Variants in ABHD17B observed in about 807,000 individuals in gnomAD.
The protein encoded by ABHD17B is abhydrolase domain containing 17B, depalmitoylase.
In ABHD17B, 9 loss-of-function variants were observed where a neutral mutation model predicts 26.2. The observed-to-expected ratio is 0.34, with a 90% CI of 0.21 to 0.60. ABHD17B has a LOEUF of 0.60. ABHD17B is among the 20% of genes least tolerant of loss of function. ABHD17B has a pLI of 0.80. For synonymous variants in ABHD17B, 127 were observed against 122.3 expected (o/e 1.04, Z -0.25); for missense variants, 224 against 352.1 (o/e 0.64, Z 2.91).
intron 1 of ABHD17B, among the ~76,000 whole-genome samples, chr9:71,909,624 A>T (rs1397189584): frequency 6.6e-6 from 1 of 152,234 alleles, no homozygotes; most frequent in Non-Finnish European, 1.5e-5. Context: ...TTGGCACAAG[A>T]TCTCCAAAGA....
chr9:71,881,680 G>T (rs1258305703), intron 1 of ABHD17B, among the ~76,000 whole-genome samples: 1 of 152,170 alleles, frequency 6.6e-6, no homozygotes, highest in African/African-American at 2.4e-5. Flanking sequence ...GAGGTCAGGA[G>T]ATCGAGACCA....
intron 1 of ABHD17B, among the ~76,000 whole-genome samples, chr9:71,894,224 G>C (rs1368181796): frequency 6.6e-6 from 1 of 150,788 alleles, no homozygotes; most frequent in Non-Finnish European, 1.5e-5. Context: ...CATTTTGCTT[G>C]TCCTTTCATC....
chr9:71,870,775 G>A (rs1369844817), intron 2 of ABHD17B, among the ~76,000 whole-genome samples: 8 of 152,024 alleles, frequency 5.3e-5, no homozygotes, highest in Non-Finnish European at 8.8e-5. Flanking sequence ...TTTAGTAAAG[G>A]GCAAATTATG....
intron 1 of ABHD17B, among the ~76,000 whole-genome samples, chr9:71,897,585 T>G (rs533813339): frequency 3.0e-4 from 46 of 152,380 alleles, no homozygotes; most frequent in African/African-American, 1.0e-3. Context: ...GGAAGTTATA[T>G]TCCTCGTTTA....
intron 1 of ABHD17B, among the ~76,000 whole-genome samples, chr9:71,901,227 GTTTT>G (rs928258539): frequency 6.6e-6 from 1 of 151,376 alleles, no homozygotes; most frequent in African/African-American, 2.4e-5. Flanking sequence ...TACCTGAGTT[GTTTT>G]TTTTGTTTGT....
chr9:71,889,983 G>A (rs1826735152), intron 1 of ABHD17B, among the ~76,000 whole-genome samples: 1 of 151,886 alleles, frequency 6.6e-6, no homozygotes, highest in Non-Finnish European at 1.5e-5. Flanking sequence ...TGAGCGGGCT[G>A]GGCAAGGTAG....
At position 71,865,548 on chromosome 9, in the gene ABHD17B, A is replaced by T. The variant is rs901999211; in HGVS notation, c.*1239T>A. ...CATGAAATTCTCAGATAGTAATCCAAAACAATAGGTCCTATTTTTAAAAAT... is the reference window on the plus strand; with the variant it reads ...CATGAAATTCTCAGATAGTAATCCATAACAATAGGTCCTATTTTTAAAAAT... On this transcript the variant is annotated 3_prime_UTR_variant, in exon 4 of 4. Coordinates refer to ENST00000333421, the MANE Select transcript of ABHD17B (RefSeq NM_001025780.3). The T allele has an allele frequency of 1.0e-6, 1 of 985,152 alleles. No individual in the cohort carries two copies. Among genetic ancestry groups the T allele is most frequent in the African/African-American group, 1.7e-5 (1 of 57,192 alleles). 61.0% of individuals were successfully genotyped at this position (985,152 alleles called of 1,614,324 possible).
rs532680684 is a variant in ABHD17B, at chr9:71,867,488, A to ATG, written c.648-484_648-483dup. 7.9e-5 allele frequency among the ~76,000 whole-genome samples: 12 copies of ATG among 152,360 alleles called. No individual in the cohort carries two copies. In the East Asian group the frequency reaches 2.1e-3, roughly 27 times the overall value. The stretch of plus-strand genomic sequence containing the variant: ...GGAGAATGTACTAAAATATAATAAA[A>ATG]TGTTGGAGCTGGAAAGAAGATTAAT... On this transcript the variant is annotated intron_variant, in intron 3 of 3. Coordinates refer to ENST00000333421, the MANE Select transcript of ABHD17B (RefSeq NM_001025780.3).
chr9:71,869,975 T>C (rs1189384621), intron 3 of ABHD17B, 108 bp downstream of exon 3: 6 of 993,000 alleles, frequency 6.0e-6, no homozygotes, highest in Non-Finnish European at 7.4e-6. Context: ...TGTGCTAATA[T>C]ATATAAAATG....
At chr9:71,884,162 CA>C (rs1365668595) in intron 1 of ABHD17B, among the ~76,000 whole-genome samples, 1 of 152,028 alleles carries the variant, frequency 6.6e-6, no homozygotes, top group Non-Finnish European at 1.5e-5. Context: ...AATAATACAT[CA>C]AAACTAAAAG....
intron 1 of ABHD17B, among the ~76,000 whole-genome samples, chr9:71,887,046 A>G (rs1589222765): frequency 6.6e-6 from 1 of 152,156 alleles, no homozygotes; most frequent in East Asian, 1.9e-4. Context: ...AAACACCCTT[A>G]GAAGTGTGGG....
In ABHD17B at chr9:71,866,593, T is replaced by A; in HGVS notation, c.*194A>T. On this transcript the variant is annotated 3_prime_UTR_variant, in exon 4 of 4. Coordinates refer to ENST00000333421, the MANE Select transcript of ABHD17B (RefSeq NM_001025780.3). ...AAAAATATAAATTACACAGCCTGAC[T>A]GCACGGTACTGTTATTTCCAGTTTT... 4.3e-6 allele frequency: 6 copies of A among 1,407,240 alleles called. No individual in the cohort carries two copies. The South Asian group carries it at 1.0e-4, about 23-fold the overall frequency. 87.2% of individuals were successfully genotyped at this position (1,407,240 alleles called of 1,614,324 possible). A position where few individuals can be genotyped will look rare whatever the true frequency, so the allele number is the denominator to read the frequency against.
chr9:71,877,653 A>G lies in ABHD17B; in HGVS notation c.-3-2570T>C, dbSNP rs373185766. On this transcript the variant is annotated intron_variant, in intron 1 of 3. Coordinates refer to ENST00000333421, the MANE Select transcript of ABHD17B (RefSeq NM_001025780.3). ...GGCTAGTCTCGAACTCCTGACCTCA[A>G]ATGATCTGCCTGCCTTGGCCTCCCA... 9.4e-4 allele frequency among the ~76,000 whole-genome samples: 143 copies of G among 152,300 alleles called. 1 individual carries two copies. The highest frequency in any genetic ancestry group is 2.7e-3 in the African/African-American group (113 of 41,564).
chr9:71,886,690 T>C (rs1015479865), intron 1 of ABHD17B, among the ~76,000 whole-genome samples: 1 of 151,920 alleles, frequency 6.6e-6, no homozygotes, highest in Admixed American at 6.6e-5. Context: ...TGGCTAATTA[T>C]TCGTACTTTT....
At chr9:71,886,886 G>C (rs1826626954) in intron 1 of ABHD17B, among the ~76,000 whole-genome samples, 1 of 151,980 alleles carries the variant, frequency 6.6e-6, no homozygotes, top group African/African-American at 2.4e-5. Flanking sequence ...AAATATTAAT[G>C]TTTTAATATT....
intron 3 of ABHD17B, among the ~76,000 whole-genome samples, chr9:71,869,694 T>G (rs897563897): frequency 4.6e-5 from 7 of 152,198 alleles, no homozygotes; most frequent in South Asian, 2.1e-4. Context: ...ATCAAGTGTC[T>G]CACTGGATGG....
intron 1 of ABHD17B, among the ~76,000 whole-genome samples, chr9:71,875,319 G>A (rs1252253115): frequency 6.6e-6 from 1 of 151,182 alleles, no homozygotes; most frequent in Non-Finnish European, 1.5e-5. Context: ...TACGCCTCCC[G>A]GGTTCAAGTG....
At chr9:71,864,288 C>T (rs933839083), downstream of ABHD17B, among the ~76,000 whole-genome samples, 6 of 134,666 alleles carry the variant, frequency 4.5e-5, no homozygotes, top group African/African-American at 8.4e-5. Flanking sequence ...GGTGCGATCT[C>T]GGCTCACTGC....
chr9:71,881,656 G>C (rs1287136722), intron 1 of ABHD17B, among the ~76,000 whole-genome samples: 1 of 152,194 alleles, frequency 6.6e-6, no homozygotes, highest in Non-Finnish European at 1.5e-5. Context: ...GGAAGGCCGA[G>C]GCGGACGGAT....
Sources: gnomAD v4.1 joint callset for allele counts (sites outside exome capture counted in the v4.1 genomes callset) on GRCh38, gnomAD v4.1.1 for gene constraint, MANE v1.5 for transcripts, NCBI Gene and HGNC (gene_info 2026-07-23, HGNC 2026-07-21) for gene names.